Variants in LPA observed in about 807,000 individuals in gnomAD.
LPA encodes the protein apolipoprotein(a).
In LPA, 199 loss-of-function variants were observed where a neutral mutation model predicts 197.9. That is an observed-to-expected ratio of 1.01 (90% confidence interval 0.90 to 1.13). The LOEUF (loss-of-function observed/expected upper bound fraction) is 1.13, where lower values mean the gene tolerates loss of function less well. LPA is among the 50% of genes most tolerant of loss of function. The probability of loss-of-function intolerance (pLI) is 0.00; values close to 1 mark genes in which losing one functional copy is unlikely to be tolerated. For synonymous variants in LPA, 715 were observed against 639.5 expected, an observed-to-expected ratio of 1.12 and a Z score of -1.78; for missense variants, 1,853 against 1,785.8, an observed-to-expected ratio of 1.04 and a Z score of -0.68.
intron 28 of LPA, among the ~76,000 whole-genome samples, chr6:160,562,519 C>A (rs1232136586): frequency 6.6e-6 from 1 of 152,094 alleles, no homozygotes; most frequent in African/African-American, 2.4e-5. Flanking sequence ...GGATGTTGGC[C>A]TGAAATTTTC....
chr6:160,586,668 G>A lies in LPA; in HGVS notation c.3948-38C>T, dbSNP rs776294514. The A allele has an allele frequency of 1.6e-5, 25 of 1,612,842 alleles. No individual in the cohort carries two copies. The South Asian group carries it at 2.1e-4, about 13-fold the overall frequency. Reference sequence around the variant, plus strand: ...AAACAATACAGGTCACCAGAGATTGGAGAAGATACAGCACCACCTGGCACC... The same window carrying A: ...AAACAATACAGGTCACCAGAGATTGAAGAAGATACAGCACCACCTGGCACC... On this transcript the variant is annotated intron_variant, in intron 24 of 38. Coordinates refer to ENST00000316300, the MANE Select transcript of LPA (RefSeq NM_005577.4).
intron 28 of LPA, among the ~76,000 whole-genome samples, chr6:160,574,072 A>T (rs1367801321): frequency 1.3e-5 from 2 of 151,984 alleles, no homozygotes; most frequent in African/African-American, 4.8e-5. Flanking sequence ...CGTCTTACTG[A>T]AGCTTCTGTA....
At chr6:160,634,653 A>G (rs1352237820) in intron 7 of LPA, among the ~76,000 whole-genome samples, 1 of 151,280 alleles carries the variant, frequency 6.6e-6, no homozygotes. Flanking sequence ...TGCTCCATAG[A>G]CCCAGGACCA....
rs1037827885 is a variant in LPA, at chr6:160,546,918, T to G, written c.5304+871A>C. Among the ~76,000 whole-genome samples, 3 of 152,188 alleles carry G rather than the reference T, an allele frequency of 2.0e-5. No individual in the cohort carries two copies. In the East Asian group the frequency reaches 5.8e-4, roughly 29 times the overall value. On this transcript the variant is annotated intron_variant, in intron 32 of 38. Transcript: ENST00000316300. ...TAAGGGAAGTCTCATGGTGACCTGA[T>G]GGCCCATCCAAATCTTTTCTAGAAA...
At chr6:160,587,808 TGTTG>T (rs1367082123) in intron 24 of LPA, among the ~76,000 whole-genome samples, 3 of 150,074 alleles carry the variant, frequency 2.0e-5, no homozygotes, top group African/African-American at 7.4e-5. Flanking sequence ...TGTTTCTGTC[TGTTG>T]GTCTGTCTGT....
At chr6:160,576,392 A>ATATATATATATATGGG (rs1778671933) in intron 28 of LPA, among the ~76,000 whole-genome samples, 1 of 68,040 alleles carries the variant, frequency 1.5e-5, no homozygotes, top group Non-Finnish European at 2.6e-5. Context: ...ATATATATGT[A>ATATATATATATATGGG]TATATATATA....
chr6:160,597,136 T>C (rs1368356289), intron 20 of LPA, among the ~76,000 whole-genome samples: 1 of 152,190 alleles, frequency 6.6e-6, no homozygotes, highest in Non-Finnish European at 1.5e-5. Context: ...CACACTTTAA[T>C]GTGTACTCGG....
At chr6:160,650,668 C>G (rs112416174) in intron 1 of LPA, among the ~76,000 whole-genome samples, 171 bp from the exon 2 acceptor site, 85 of 152,278 alleles carry the variant, frequency 5.6e-4, no homozygotes, top group Admixed American at 1.8e-3. Flanking sequence ...TCATATCATT[C>G]TAGAACTTTA....
rs754339898 is a variant in LPA at position 160,650,377 on chromosome 6, G to T, written c.170C>A (p.Pro57Gln). The T allele has an allele frequency of 1.9e-6, 3 of 1,613,684 alleles. No homozygotes were observed. In the African/African-American group the frequency reaches 4.0e-5, roughly 22 times the overall value. ...RTCQAWSSMT[P>Q]HQHNRTTENY... Reference sequence around the variant, plus strand: ...TTCTGTGGTCCTATTATGTTGATGTGGTGTCATAGATGACCAAGCTTGGCA... The same window carrying T: ...TTCTGTGGTCCTATTATGTTGATGTTGTGTCATAGATGACCAAGCTTGGCA... Residue 57 changes from proline to glutamine, a missense_variant, in exon 2 of 39, where the codon CCA becomes CAA. By Grantham distance (76) the Pro-to-Gln change is moderately conservative (BLOSUM62 -1). Coordinates refer to ENST00000316300, the MANE Select transcript of LPA (RefSeq NM_005577.4).
intron 28 of LPA, among the ~76,000 whole-genome samples, chr6:160,564,337 G>T (rs1479467077): frequency 6.6e-6 from 1 of 152,126 alleles, no homozygotes; most frequent in Non-Finnish European, 1.5e-5. Flanking sequence ...TAGTTTGGCT[G>T]GATATGAAAT....
intron 20 of LPA, among the ~76,000 whole-genome samples, chr6:160,598,762 T>C (rs1481697482): frequency 6.6e-6 from 1 of 152,134 alleles, no homozygotes; most frequent in South Asian, 2.1e-4. Context: ...TTTGTACCCA[T>C]TGAAAAAGAA....
intron 24 of LPA, among the ~76,000 whole-genome samples, chr6:160,587,998 CT>C (rs1282223930): frequency 2.6e-5 from 4 of 151,942 alleles, no homozygotes; most frequent in Admixed American, 6.6e-5. Context: ...TGCTATTCTG[CT>C]TTTGTTTCTC....
chr6:160,649,621 C>A (rs41269876), intron 2 of LPA, among the ~76,000 whole-genome samples: 3,040 of 152,232 alleles, frequency 0.02, 60 homozygotes, highest in Non-Finnish European at 0.029. Context: ...TCTCATTGTT[C>A]TCTCTCTCGC....
At chr6:160,588,790 A>G (rs1323647480) in intron 24 of LPA, among the ~76,000 whole-genome samples, 1 of 151,980 alleles carries the variant, frequency 6.6e-6, no homozygotes, top group South Asian at 2.1e-4. Flanking sequence ...TCAATCCAAC[A>G]CTGTGTCCAG....
chr6:160,592,416 A>G (rs1583603449), intron 22 of LPA, among the ~76,000 whole-genome samples: 1 of 152,114 alleles, frequency 6.6e-6, no homozygotes, highest in East Asian at 1.9e-4. Context: ...CTTTTCTGAT[A>G]TTATGCATTC....
At chr6:160,573,467 T>G (rs1583588182) in intron 28 of LPA, among the ~76,000 whole-genome samples, 1 of 152,266 alleles carries the variant, frequency 6.6e-6, no homozygotes, top group Admixed American at 6.5e-5. Context: ...TTGGTTTGGA[T>G]CCATTGCTGG....
chr6:160,647,985 C>G (rs970427156), intron 2 of LPA, among the ~76,000 whole-genome samples: 8 of 152,312 alleles, frequency 5.3e-5, no homozygotes, highest in Non-Finnish European at 1.0e-4. Context: ...AGGGTCACCT[C>G]TTTTGTTACA....
chr6:160,650,204 T>G (rs1471125088), intron 2 of LPA, 134 bp downstream of exon 2: 2 of 827,874 alleles, frequency 2.4e-6, no homozygotes, highest in East Asian at 5.0e-5. Context: ...CTCAAAGTAA[T>G]GTTTCTCAGA....
rs777587946 is a variant in LPA, at chr6:160,611,527, C to A, written c.2603+35G>T. The A allele has an allele frequency of 8.7e-6, 14 of 1,606,688 alleles. No individual in the cohort carries two copies. The East Asian group carries it at 1.3e-4, about 15-fold the overall frequency. On this transcript the variant is annotated intron_variant, in intron 16 of 38. Transcript: ENST00000316300. The stretch of plus-strand genomic sequence containing the variant: ...TCTTGTCACAGAAACTTCAGTTGGC[C>A]CTTTATTCTCTTATGGTAAAGAACA...
Sources: allele counts gnomAD v4.1 joint callset (sites outside exome capture counted in the v4.1 genomes callset), GRCh38; gene constraint gnomAD v4.1.1; transcripts MANE v1.5; gene names NCBI Gene and HGNC (gene_info 2026-07-23, HGNC 2026-07-21).